RALYL: variants seen among roughly 807,000 people sequenced by gnomAD.
RALYL encodes RNA-binding Raly-like protein.
Under a neutral mutation model 35.1 loss-of-function variants are expected in RALYL, and 29 were observed. That is an observed-to-expected ratio of 0.83 (90% CI 0.61 to 1.13). The LOEUF is 1.13. Ranked by LOEUF, RALYL falls within the 50% of genes most tolerant of loss-of-function variation. RALYL has a pLI of 0.00. For missense variants in RALYL, 359 were observed against 360.4 expected (o/e 1.00, Z 0.03); for synonymous variants, 120 against 127.6 (o/e 0.94, Z 0.40).
intron 1 of RALYL, among the ~76,000 whole-genome samples, chr8:84,457,733 C>T (rs2050303836): frequency 6.6e-6 from 1 of 151,802 alleles, no homozygotes; most frequent in Admixed American, 6.6e-5. Flanking sequence ...ACGTCTTTCT[C>T]CTTTCTACTC....
intron 4 of RALYL, among the ~76,000 whole-genome samples, chr8:84,847,422 C>T (rs537841588): frequency 1.3e-5 from 2 of 152,148 alleles, no homozygotes; most frequent in Non-Finnish European, 2.9e-5. Context: ...TCTCTGTTGA[C>T]TCTCAGTGTT....
intron 1 of RALYL, among the ~76,000 whole-genome samples, chr8:84,525,751 C>T (rs750413131): frequency 6.6e-6 from 1 of 151,856 alleles, no homozygotes. Context: ...GTTTCATCAC[C>T]ATTCAGTGAT....
At chr8:84,275,160 G>A (rs1284074571) in intron 1 of RALYL, among the ~76,000 whole-genome samples, 1 of 152,070 alleles carries the variant, frequency 6.6e-6, no homozygotes, top group East Asian at 1.9e-4. Flanking sequence ...TCTATTACAA[G>A]TATAACAAAC....
chr8:84,380,869 G>C (rs543452042), intron 1 of RALYL, among the ~76,000 whole-genome samples: 1 of 151,830 alleles, frequency 6.6e-6, no homozygotes, highest in Admixed American at 6.6e-5. Flanking sequence ...TGAGAAGTAG[G>C]TTACCTGCAG....
At chr8:84,799,694 C>G (rs62526860) in intron 3 of RALYL, among the ~76,000 whole-genome samples, 2 of 152,196 alleles carry the variant, frequency 1.3e-5, no homozygotes, top group African/African-American at 4.8e-5. Context: ...CGCTGGCTCA[C>G]GCCTGTAATC....
At chr8:84,711,200 AG>A (rs1219797485) in intron 2 of RALYL, among the ~76,000 whole-genome samples, 2 of 152,314 alleles carry the variant, frequency 1.3e-5, no homozygotes, top group African/African-American at 2.4e-5. Context: ...AGGTCAAAAA[AG>A]CATGAGGAAC....
At chr8:84,378,385 A>T (rs1202756425) in intron 1 of RALYL, among the ~76,000 whole-genome samples, 1 of 151,854 alleles carries the variant, frequency 6.6e-6, no homozygotes, top group Non-Finnish European at 1.5e-5. Context: ...TGCATTTGAG[A>T]GTTTAATTAT....
At chr8:84,687,756 AT>A (rs1227539293) in intron 2 of RALYL, among the ~76,000 whole-genome samples, 5 of 151,830 alleles carry the variant, frequency 3.3e-5, no homozygotes, top group Non-Finnish European at 5.9e-5. Context: ...AAATTCTGTA[AT>A]TTTTTTTGTT....
intron 1 of RALYL, among the ~76,000 whole-genome samples, chr8:84,211,868 A>G (rs1819572799): frequency 6.6e-6 from 1 of 152,192 alleles, no homozygotes; most frequent in African/African-American, 2.4e-5. Flanking sequence ...AGTAATAATA[A>G]TAAAACATTA....
chr8:84,324,450 C>T (rs973468909), intron 1 of RALYL, among the ~76,000 whole-genome samples: 1 of 151,866 alleles, frequency 6.6e-6, no homozygotes, highest in Admixed American at 6.6e-5. Flanking sequence ...GAACCAACCT[C>T]GTGGAGTTCT....
At chr8:84,890,394 T>G (rs1431944778) in intron 8 of RALYL, among the ~76,000 whole-genome samples, 1 of 151,980 alleles carries the variant, frequency 6.6e-6, no homozygotes. Flanking sequence ...TTGAGGGGAA[T>G]GAAAAAGATT....
chr8:84,497,630 G>GTTTTTTTTTTTTTTTTTTTTTTT (rs1181968193), intron 1 of RALYL, among the ~76,000 whole-genome samples: 3 of 119,124 alleles, frequency 2.5e-5, no homozygotes, highest in African/African-American at 9.6e-5. Context: ...TTTTTTTGTT[G>GTTTTTTTTTTTTTTTTTTTTTTT]TTTTTGTTTT....
chr8:84,759,074 G>T (rs1001195882), intron 2 of RALYL, among the ~76,000 whole-genome samples: 1 of 152,004 alleles, frequency 6.6e-6, no homozygotes, highest in Admixed American at 6.6e-5. Context: ...AGCCAACAAT[G>T]GTGGGTTGAG....
At chr8:84,760,991 T>C (rs1033832571) in intron 2 of RALYL, among the ~76,000 whole-genome samples, 4 of 152,036 alleles carry the variant, frequency 2.6e-5, no homozygotes, top group Admixed American at 6.6e-5. Flanking sequence ...GTTTTAATCA[T>C]AGAAAATATG....
Position 84,529,487 on chromosome 8 carries a change from G to C in RALYL, c.166G>C (p.Gly56Arg), listed in dbSNP as rs1353502751. 1 of 1,613,720 alleles carries C rather than the reference G, an allele frequency of 6.2e-7. No homozygotes were observed. The part of the protein sequence containing the change: ...GKIVGCSVHK[G>R]YAFVQYMSER... The stretch of plus-strand genomic sequence containing the variant: ...AATAGTTGGATGTTCCGTTCACAAA[G>C]GTTATGCATTTGTACAGTACATGAG... Residue 56 changes from glycine to arginine, a missense_variant, in exon 2 of 9, where the codon GGT becomes CGT. Physicochemically the swap from Gly to Arg is moderately radical, Grantham distance 125. Coordinates refer to ENST00000521268, the MANE Select transcript of RALYL (RefSeq NM_173848.7).
At chr8:84,555,932 A>C (rs946792408) in intron 2 of RALYL, among the ~76,000 whole-genome samples, 8 of 152,218 alleles carry the variant, frequency 5.3e-5, no homozygotes, top group African/African-American at 1.4e-4. Flanking sequence ...TGTTTTAGAT[A>C]ATTTGCTTTT....
At chr8:84,759,351 C>T (rs1192100173) in intron 2 of RALYL, among the ~76,000 whole-genome samples, 1 of 151,994 alleles carries the variant, frequency 6.6e-6, no homozygotes, top group Non-Finnish European at 1.5e-5. Flanking sequence ...AATAATGTAC[C>T]TAGAATCATC....
intron 1 of RALYL, among the ~76,000 whole-genome samples, chr8:84,480,330 A>G (rs1398837679): frequency 6.6e-6 from 1 of 152,168 alleles, no homozygotes; most frequent in East Asian, 1.9e-4. Context: ...AAGTGGGTTA[A>G]TGAATAATCT....
At chr8:84,881,288 G>A (rs1050543030) in intron 7 of RALYL, among the ~76,000 whole-genome samples, 1 of 151,870 alleles carries the variant, frequency 6.6e-6, no homozygotes, top group Admixed American at 6.6e-5. Context: ...ATATACAGGT[G>A]TTGTAATATA....
Sources: gnomAD v4.1 joint callset for allele counts (sites outside exome capture counted in the v4.1 genomes callset) on GRCh38, gnomAD v4.1.1 for gene constraint, MANE v1.5 for transcripts, NCBI Gene and HGNC (gene_info 2026-07-23, HGNC 2026-07-21) for gene names.